Variants in MEI4 observed in about 807,000 individuals in gnomAD.
The protein encoded by MEI4 is meiosis-specific protein MEI4.
MEI4 carries 27 observed loss-of-function variants against 31.4 expected under a neutral mutation model. The ratio of observed to expected loss-of-function variants is 0.86; its 90% confidence interval spans 0.63 to 1.19. The LOEUF is 1.19. Ranked by LOEUF, MEI4 falls within the 50% of genes most tolerant of loss-of-function variation. The pLI is 0.00. For synonymous variants in MEI4, 122 were observed against 145.4 expected, an observed-to-expected ratio of 0.84 and a Z score of 1.16; for missense variants, 329 against 398.9, an observed-to-expected ratio of 0.82 and a Z score of 1.49.
chr6:77,656,810 T>TTCAC (rs1240171842), intron 1 of MEI4, among the ~76,000 whole-genome samples: 2 of 152,026 alleles, frequency 1.3e-5, no homozygotes, highest in East Asian at 3.8e-4. Context: ...ATTAAAAAAA[T>TTCAC]TCACTCACTA....
chr6:77,828,868 C>A (rs1156463007), intron 3 of MEI4, 63 bp from the exon 4 acceptor site: 1 of 1,191,544 alleles, frequency 8.4e-7, no homozygotes, highest in South Asian at 4.3e-5. Context: ...GTAGTAAGGT[C>A]TTAGAAAATA....
intron 2 of MEI4, among the ~76,000 whole-genome samples, chr6:77,752,645 G>A (rs1309083259): frequency 6.6e-6 from 1 of 152,178 alleles, no homozygotes; most frequent in Non-Finnish European, 1.5e-5. Flanking sequence ...CATGCTCATT[G>A]ATAGGAAGAA....
intron 4 of MEI4, among the ~76,000 whole-genome samples, chr6:77,895,612 C>G (rs1335378196): frequency 6.6e-6 from 1 of 152,114 alleles, no homozygotes; most frequent in East Asian, 1.9e-4. Context: ...ACAGCATGCT[C>G]TCTGCATTGC....
chr6:77,680,498 T>A (rs1047440712), intron 1 of MEI4, among the ~76,000 whole-genome samples: 1 of 152,086 alleles, frequency 6.6e-6, no homozygotes, highest in African/African-American at 2.4e-5. Context: ...AGAGGACCAG[T>A]CCTGAGTTAT....
intron 4 of MEI4, among the ~76,000 whole-genome samples, chr6:77,856,700 C>T (rs1054588590): frequency 1.3e-5 from 2 of 152,162 alleles, no homozygotes; most frequent in Non-Finnish European, 2.9e-5. Flanking sequence ...CCCAGCTCAT[C>T]ACTCACAGCT....
rs1766792764 is a variant in MEI4, at chr6:77,924,322, T to TGA, written c.*976_*977insGA. On this transcript the variant is annotated 3_prime_UTR_variant, in exon 5 of 5. Transcript: ENST00000684080. ...TCGTTGGCATTAAAAGTAATCTTGA[T>TGA]AATTCCATCTACAATGTATATACAA... 1 of 151,910 alleles carries TGA rather than the reference T, an allele frequency of 6.6e-6. No homozygotes were observed. Among genetic ancestry groups the TGA allele is most frequent in the South Asian group, 2.1e-4 (1 of 4,832 alleles). 9.4% of individuals were successfully genotyped at this position (151,910 alleles called of 1,614,324 possible). A position where few individuals can be genotyped will look rare whatever the true frequency, so the allele number is the denominator to read the frequency against.
intron 4 of MEI4, among the ~76,000 whole-genome samples, chr6:77,904,009 C>T (rs1040581691): frequency 1.3e-5 from 2 of 152,064 alleles, no homozygotes; most frequent in Admixed American, 6.6e-5. Context: ...TCCATTCAGC[C>T]ACTCAATGTT....
intron 1 of MEI4, among the ~76,000 whole-genome samples, chr6:77,655,051 C>G (rs944327459): frequency 6.6e-6 from 1 of 152,130 alleles, no homozygotes; most frequent in African/African-American, 2.4e-5. Flanking sequence ...TCTCCTAGTG[C>G]TATCCCTCCC....
chr6:77,754,582 C>T (rs1297185793), intron 2 of MEI4, among the ~76,000 whole-genome samples: 1 of 152,180 alleles, frequency 6.6e-6, no homozygotes, highest in Non-Finnish European at 1.5e-5. Context: ...TCCACATTTT[C>T]AGGTTATCTT....
intron 1 of MEI4, among the ~76,000 whole-genome samples, chr6:77,659,151 A>T (rs1768453650): frequency 6.6e-6 from 1 of 152,202 alleles, no homozygotes; most frequent in Non-Finnish European, 1.5e-5. Context: ...CTATTCCAGT[A>T]CCGAGAGCAA....
At chr6:77,771,669 G>T (rs937368179) in intron 3 of MEI4, among the ~76,000 whole-genome samples, 2 of 151,994 alleles carry the variant, frequency 1.3e-5, no homozygotes, top group African/African-American at 4.8e-5. Context: ...CATTATCCTT[G>T]GGAAACTAAC....
intron 4 of MEI4, among the ~76,000 whole-genome samples, chr6:77,919,447 C>G (rs985908140): frequency 6.6e-6 from 1 of 151,808 alleles, no homozygotes; most frequent in African/African-American, 2.4e-5. Flanking sequence ...TCTTTGAAAC[C>G]AACGAGAACA....
rs148843905 is a variant in MEI4 at position 77,736,681 on chromosome 6, G to A, written c.233-24449G>A. Among the ~76,000 whole-genome samples the A allele has an allele frequency of 5.3e-5, 8 of 152,038 alleles. No homozygotes were observed. The East Asian group carries it at 1.6e-3, about 30-fold the overall frequency. ...TACCCCCTTAATTCAGTATTTGTGAGGTACAAAACAATGTAGAAAATACAG... is the reference window on the plus strand; with the variant it reads ...TACCCCCTTAATTCAGTATTTGTGAAGTACAAAACAATGTAGAAAATACAG... On this transcript the variant is annotated intron_variant, in intron 2 of 4. Transcript: ENST00000684080.
At chr6:77,908,743 G>C (rs1766359421) in intron 4 of MEI4, among the ~76,000 whole-genome samples, 2 of 152,062 alleles carry the variant, frequency 1.3e-5, no homozygotes, top group African/African-American at 4.8e-5. Context: ...AAGATCAAAA[G>C]AGACAAAGAA....
chr6:77,804,214 T>A (rs1216496770), intron 3 of MEI4, among the ~76,000 whole-genome samples: 1 of 152,148 alleles, frequency 6.6e-6, no homozygotes, highest in Non-Finnish European at 1.5e-5. Flanking sequence ...TGCAGTTTGA[T>A]CTCAGACTGC....
rs190346209 is a variant in MEI4 at position 77,699,251 on chromosome 6, G to A, written c.232+8348G>A. ...GTCACCCAGGCTGGAGTGCAGTGGC[G>A]GGATCTCGGCTCACTGCAAGCTCGG... On this transcript the variant is annotated intron_variant, in intron 2 of 4. Transcript: ENST00000684080. 8.0e-3 allele frequency among the ~76,000 whole-genome samples: 1,193 copies of A among 148,654 alleles called. 8 individuals carry two copies. The highest frequency in any genetic ancestry group is 0.012 in the Non-Finnish European group (789 of 67,340).
intron 4 of MEI4, among the ~76,000 whole-genome samples, chr6:77,883,221 A>G (rs950494222): frequency 6.6e-6 from 1 of 152,084 alleles, no homozygotes; most frequent in African/African-American, 2.4e-5. Context: ...AGTATGTGTG[A>G]TATTTTGCAT....
intron 2 of MEI4, among the ~76,000 whole-genome samples, chr6:77,722,397 C>G (rs1166092456): frequency 2.0e-5 from 3 of 151,396 alleles, no homozygotes; most frequent in African/African-American, 7.3e-5. Flanking sequence ...TTTACCCACA[C>G]CGGTTTTTCT....
chr6:77,901,576 T>C (rs1317537126), intron 4 of MEI4, among the ~76,000 whole-genome samples: 1 of 152,102 alleles, frequency 6.6e-6, no homozygotes, highest in Non-Finnish European at 1.5e-5. Context: ...TTTTTTACTA[T>C]TGAATTGTTT....
Sources: allele counts gnomAD v4.1 joint callset (sites outside exome capture counted in the v4.1 genomes callset), GRCh38; gene constraint gnomAD v4.1.1; transcripts MANE v1.5; gene names NCBI Gene and HGNC (gene_info 2026-07-23, HGNC 2026-07-21).